The following FCGR2B variants were observed in gnomAD, a reference collection of about 807,000 sequenced individuals.
The protein encoded by FCGR2B is low affinity immunoglobulin gamma Fc region receptor II-b.
Under a neutral mutation model 24.8 loss-of-function variants are expected in FCGR2B, and 18 were observed. That is an observed-to-expected ratio of 0.73 (90% CI 0.50 to 1.08). The LOEUF (loss-of-function observed/expected upper bound fraction) is 1.08, where lower values mean the gene tolerates loss of function less well. Among genes scored for constraint, FCGR2B ranks in the 50% least tolerant of loss-of-function variants. The pLI is 0.00. For missense variants in FCGR2B, 215 were observed against 297.6 expected (o/e 0.72, Z 2.04); for synonymous variants, 79 against 109.8 (o/e 0.72, Z 1.75).
At chr1:161,648,749 G>GC in the FCGR2B span, among the ~76,000 whole-genome samples, 4 of 150,550 alleles carry the variant, frequency 2.7e-5, no homozygotes, top group Non-Finnish European at 5.9e-5. Flanking sequence ...GAGTACAGTG[G>GC]CGCAAGCTTG....
intron 6 of FCGR2B, 183 bp from the exon 7 acceptor site, chr1:161,677,145 G>A: frequency 1.6e-6 from 1 of 635,896 alleles, no homozygotes; most frequent in Non-Finnish European, 2.8e-6. Flanking sequence ...CTGTGGCTGG[G>A]CTACCCTATG....
the FCGR2B span, among the ~76,000 whole-genome samples, chr1:161,647,765 C>T: frequency 6.6e-6 from 1 of 150,912 alleles, no homozygotes; most frequent in Admixed American, 6.6e-5. Context: ...CAGTAGAGAA[C>T]AGCAAACAGT....
the FCGR2B span, among the ~76,000 whole-genome samples, chr1:161,648,352 AT>A: frequency 6.8e-6 from 1 of 146,206 alleles, no homozygotes; most frequent in African/African-American, 2.6e-5. Flanking sequence ...GCAATTTGAG[AT>A]TTTCTTGTTT....
intron 6 of FCGR2B, 164 bp downstream of exon 6, chr1:161,675,477 C>T (rs1199260176): frequency 1.4e-5 from 7 of 511,802 alleles, no homozygotes; most frequent in East Asian, 1.0e-4. Context: ...CTTAGTCTAA[C>T]TCCTGGGCCT....
Position 161,677,693 on chromosome 1 carries a change from G to T in FCGR2B, c.*140G>T. ...AGGTTTCTTCCAGAGTCATCTACCTGAGTCCTGAAGCTCCCTGTCCTGAAA... is the reference window on the plus strand; with the variant it reads ...AGGTTTCTTCCAGAGTCATCTACCTTAGTCCTGAAGCTCCCTGTCCTGAAA... On this transcript the variant is annotated 3_prime_UTR_variant, in exon 8 of 8. Transcript: ENST00000358671. The T allele has an allele frequency of 1.5e-6, 1 of 663,140 alleles. No individual in the cohort carries two copies. Among genetic ancestry groups the T allele is most frequent in the Non-Finnish European group, 2.6e-6 (1 of 385,274 alleles). The allele number at this position is 663,140 out of a possible 1,614,324, so 41.1% of individuals were successfully genotyped here. A position where few individuals can be genotyped will look rare whatever the true frequency, so the allele number is the denominator to read the frequency against.
chr1:161,669,855 C>T (rs1396502109), intron 1 of FCGR2B, among the ~76,000 whole-genome samples: 1 of 72,640 alleles, frequency 1.4e-5, no homozygotes, highest in Non-Finnish European at 3.0e-5. Context: ...ATTACCTGTG[C>T]AATTTCTACC....
chr1:161,652,220 A>G, the FCGR2B span, among the ~76,000 whole-genome samples: 2 of 132,482 alleles, frequency 1.5e-5, 1 homozygote, highest in Non-Finnish European at 3.4e-5. Flanking sequence ...ATTCTCTGGG[A>G]TTTCAATTAC....
At chr1:161,651,675 C>T in the FCGR2B span, among the ~76,000 whole-genome samples, 1 of 120,982 alleles carries the variant, frequency 8.3e-6, no homozygotes, top group Non-Finnish European at 1.9e-5. Flanking sequence ...GTGGCTCACA[C>T]CTGTAATCCT....
In FCGR2B at chr1:161,671,489, T is replaced by C. The variant is rs867449284; in HGVS notation, c.231T>C (p.Pro77=). 4.3e-6 allele frequency: 7 copies of C among 1,614,080 alleles called. No individual in the cohort carries two copies. The highest frequency in any genetic ancestry group is 1.6e-4 in the Middle Eastern group (1 of 6,084). ...TGACATGCCGGGGGACTCACAGCCC[T>C]GAGAGCGACTCCATTCAGTGGTTCC... ...VTLTCRGTHS[P]ESDSIQWFHN... Residue 77 remains proline, a synonymous_variant, in exon 3 of 8, where the codon CCT becomes CCC. Coordinates refer to ENST00000358671, the MANE Select transcript of FCGR2B (RefSeq NM_001394477.1).
chr1:161,652,550 T>C, the FCGR2B span, among the ~76,000 whole-genome samples: 1 of 135,176 alleles, frequency 7.4e-6, no homozygotes, highest in East Asian at 2.0e-4. Context: ...TAAGTATGGT[T>C]GTAATTAATG....
chr1:161,661,254 GAAAGA>G (rs1557895280), upstream of FCGR2B, among the ~76,000 whole-genome samples: 730 of 37,314 alleles, frequency 0.02, 76 homozygotes, highest in African/African-American at 0.035. Context: ...AAGAAAGAAA[GAAAGA>G]AAGGAAGGAA....
intron 6 of FCGR2B, chr1:161,676,471 C>T (rs779480391): frequency 1.7e-4 from 30 of 177,864 alleles, no homozygotes; most frequent in Non-Finnish European, 2.9e-4. Context: ...TTTCACAAGG[C>T]ACTTTTGCAG....
Position 161,671,494 on chromosome 1 carries a change from G to A in FCGR2B, c.236G>A (p.Ser79Asn), listed in dbSNP as rs1350006239. The change falls in exon 3 of 8, where the codon AGC becomes AAC. Residue 79 changes from serine to asparagine, a missense_variant. Coordinates refer to ENST00000358671, the MANE Select transcript of FCGR2B (RefSeq NM_001394477.1). ...TGCCGGGGGACTCACAGCCCTGAGA[G>A]CGACTCCATTCAGTGGTTCCACAAT... ...LTCRGTHSPE[S>N]DSIQWFHNGN... 2 of 1,614,074 alleles carry A rather than the reference G, an allele frequency of 1.2e-6. No homozygotes were observed. The highest frequency in any genetic ancestry group is 1.1e-5 in the South Asian group (1 of 91,088).
the FCGR2B span, among the ~76,000 whole-genome samples, chr1:161,648,923 A>G: frequency 2.0e-5 from 3 of 150,888 alleles, no homozygotes; most frequent in Non-Finnish European, 4.4e-5. Flanking sequence ...TTTTTTTAAT[A>G]TTATATTTCA....
chr1:161,673,680 C>A, intron 4 of FCGR2B: 1 of 505,440 alleles, frequency 2.0e-6, no homozygotes, highest in Non-Finnish European at 3.7e-6. Context: ...TGGGCCCACC[C>A]TTCCCACTGC....
rs1277062101 is a variant in FCGR2B, at chr1:161,671,609, G to C, written c.351G>C (p.Gln117His). 1.9e-6 allele frequency: 3 copies of C among 1,613,864 alleles called. No homozygotes were observed. Among genetic ancestry groups the C allele is most frequent in the East Asian group, 2.2e-5 (1 of 44,880 alleles). The stretch of plus-strand genomic sequence containing the variant: ...GGGAGTACACGTGCCAGACTGGCCA[G>C]ACCAGCCTCAGCGACCCTGTGCATC... ...DSGEYTCQTGQTSLSDPVHLT... is the reference protein window; with the variant it reads ...DSGEYTCQTGHTSLSDPVHLT... Residue 117 changes from glutamine (Q) to histidine (H), a missense_variant, in exon 3 of 8, where the codon CAG becomes CAC. By Grantham distance (24) the Gln-to-His change is conservative (BLOSUM62 0). Around this residue, in one of 5 missense-constraint regions of FCGR2B, gnomAD observed 39 missense variants for 73.3 expected, o/e 0.53. Coordinates refer to ENST00000358671, the MANE Select transcript of FCGR2B (RefSeq NM_001394477.1).
chr1:161,652,397 A>G, the FCGR2B span, among the ~76,000 whole-genome samples: 7 of 133,182 alleles, frequency 5.3e-5, 1 homozygote, highest in Middle Eastern at 0.012. Flanking sequence ...GACCCTGTCA[A>G]ATACATTCCT....
chr1:161,676,611 A>C (rs1371831230), intron 6 of FCGR2B: 1 of 156,628 alleles, frequency 6.4e-6, no homozygotes, highest in Non-Finnish European at 1.4e-5. Context: ...AATTTACAGC[A>C]TGGCAATAAA....
intron 6 of FCGR2B, chr1:161,676,359 C>T (rs1347513796): frequency 5.2e-6 from 1 of 190,706 alleles, no homozygotes; most frequent in African/African-American, 2.3e-5. Flanking sequence ...TGATAGGGGC[C>T]TGTGTTCACA....
Sources: allele counts gnomAD v4.1 joint callset (sites outside exome capture counted in the v4.1 genomes callset), GRCh38; gene constraint gnomAD v4.1.1; regional missense constraint gnomAD v4.1.1; transcripts MANE v1.5; gene names NCBI Gene and HGNC (gene_info 2026-07-23, HGNC 2026-07-21).